The following KRTAP5-5 variants were observed in gnomAD, a reference collection of about 807,000 sequenced individuals.
KRTAP5-5 encodes keratin-associated protein 5-5.
Under a neutral mutation model 2.8 loss-of-function variants are expected in KRTAP5-5, and 1 was observed. That is an observed-to-expected ratio of 0.35 (90% confidence interval 0.13 to 1.67). The LOEUF (loss-of-function observed/expected upper bound fraction) is 1.67. Ranked by LOEUF, KRTAP5-5 falls within the 40% of genes most tolerant of loss-of-function variation. KRTAP5-5 has a pLI of 0.35. For missense variants in KRTAP5-5, 134 were observed against 270.9 expected (o/e 0.49, Z 3.55); for synonymous variants, 83 against 110.6 (o/e 0.75, Z 1.57).
rs765424276 is a variant in KRTAP5-5 at position 1,630,110 on chromosome 11, C to G, written c.270C>G (p.Gly90=). ...CCAGCTGTGGCAAAGGGGGCTGTGG[C>G]TCTTGCGGGGGCTCCAAGAGAGGCT... The change falls in exon 1 of 1, where the codon GGC becomes GGG. Residue 90 remains glycine (G), a synonymous_variant. Coordinates refer to ENST00000399676, the Ensembl canonical transcript of KRTAP5-5. The G allele has an allele frequency of 1.9e-6, 3 of 1,610,640 alleles. No homozygotes were observed. In the African/African-American group the frequency reaches 4.0e-5, roughly 22 times the overall value.
chr11:1,630,498 C>G (rs372594896), exon 1 of KRTAP5-5: 7 of 1,610,438 alleles, frequency 4.3e-6, no homozygotes, highest in Non-Finnish European at 5.9e-6. Context: ...CTGCTACAAG[C>G]CCTGCTGCTG....
rs1360393936 is a variant in KRTAP5-5 at position 1,630,488 on chromosome 11, CT to C, written c.649del (p.Cys217AlafsTer34). ...GTGGATCATCCTGCTGCCAATCCAG[CT>C]GCTACAAGCCCTGCTGCTGCCAGTC... On this transcript the variant is annotated frameshift_variant, in exon 1 of 1. Coordinates refer to ENST00000399676, the Ensembl canonical transcript of KRTAP5-5. LOFTEE classifies it high-confidence loss of function. 1 of 1,602,060 alleles carries C rather than the reference CT, an allele frequency of 6.2e-7. No individual in the cohort carries two copies. The highest frequency in any genetic ancestry group is 8.5e-7 in the Non-Finnish European group (1 of 1,175,320).
At chr11:1,630,668 TCC>T in exon 1 of KRTAP5-5, 1 of 1,397,302 alleles carries the variant, frequency 7.2e-7, no homozygotes, top group Non-Finnish European at 1.0e-6. Flanking sequence ...ACTGGCTTCA[TCC>T]ACTCCACACC....
exon 1 of KRTAP5-5, chr11:1,630,703 G>A (rs1451074650): frequency 1.9e-6 from 2 of 1,047,132 alleles, no homozygotes; most frequent in African/African-American, 3.2e-5. Flanking sequence ...ACTGACTGAG[G>A]ACCCCTTCTG....
At chr11:1,630,650 G>A (rs1849749886) in exon 1 of KRTAP5-5, 4 of 1,514,962 alleles carry the variant, frequency 2.6e-6, no homozygotes, top group Non-Finnish European at 3.6e-6. Context: ...TGTCTCCACT[G>A]TGTCCTCACT....
exon 1 of KRTAP5-5, chr11:1,629,945 T>C (rs1564964695): frequency 2.8e-6 from 4 of 1,444,022 alleles, no homozygotes; most frequent in Admixed American, 3.7e-5. Flanking sequence ...GCTCTGGCTG[T>C]GGGGGCTGTG....
At chr11:1,630,777 G>T, downstream of KRTAP5-5, 1 of 678,046 alleles carries the variant, frequency 1.5e-6, no homozygotes, top group Non-Finnish European at 2.5e-6. Context: ...AAGATCCAAA[G>T]CGGCCCACTG....
chr11:1,630,620 T>C, exon 1 of KRTAP5-5: 1 of 1,591,966 alleles, frequency 6.3e-7, no homozygotes, highest in Non-Finnish European at 8.6e-7. Context: ...TTCCTTGCCC[T>C]GGGTTCTCTG....
At chr11:1,630,122 C>T (rs75391124) in exon 1 of KRTAP5-5, 46,691 of 1,472,140 alleles carry the variant, frequency 0.032, 2,259 homozygotes, top group Middle Eastern at 0.11. Flanking sequence ...CTTGCGGGGG[C>T]TCCAAGAGAG....
chr11:1,630,871 C>G (rs985264098), downstream of KRTAP5-5, among the ~76,000 whole-genome samples: 6 of 152,168 alleles, frequency 3.9e-5, no homozygotes, highest in Non-Finnish European at 7.3e-5. Flanking sequence ...ATCTCTCTGG[C>G]TGTCTGTATA....
exon 1 of KRTAP5-5, chr11:1,630,021 G>A (rs1167185109): frequency 1.2e-5 from 20 of 1,606,780 alleles, no homozygotes; most frequent in South Asian, 2.2e-5. Flanking sequence ...ATGTGGCTCC[G>A]GCTGCTGTGT....
exon 1 of KRTAP5-5, chr11:1,630,358 G>T (rs766171125): frequency 2.3e-6 from 3 of 1,317,562 alleles, no homozygotes; most frequent in Middle Eastern, 2.4e-4. Context: ...GGGTCATCCT[G>T]CTGCCAGTCC....
chr11:1,630,159 G>T (rs771479002), exon 1 of KRTAP5-5: 1 of 1,571,242 alleles, frequency 6.4e-7, no homozygotes, highest in Admixed American at 1.7e-5. Context: ...GGTGTCCAAG[G>T]GGGCCTGTGG....
At chr11:1,630,760 C>G (rs1849751437), downstream of KRTAP5-5, 2 of 723,046 alleles carry the variant, frequency 2.8e-6, no homozygotes. Context: ...CTGCTCCTCA[C>G]TCATTTAAGA....
exon 1 of KRTAP5-5, chr11:1,630,670 C>A: frequency 7.3e-7 from 1 of 1,375,116 alleles, no homozygotes; most frequent in Non-Finnish European, 1.0e-6. Context: ...TGGCTTCATC[C>A]ACTCCACACC....
chr11:1,630,736 T>C, downstream of KRTAP5-5: 1 of 798,944 alleles, frequency 1.3e-6, no homozygotes, highest in Non-Finnish European at 2.0e-6. Flanking sequence ...CTACTTCTCC[T>C]GAACTTCCTC....
chr11:1,630,166 G>A (rs1381225613), exon 1 of KRTAP5-5: 1 of 1,438,636 alleles, frequency 7.0e-7, no homozygotes, highest in Admixed American at 2.0e-5. Context: ...AAGGGGGCCT[G>A]TGGCTCCTGT....
chr11:1,630,726 C>A (rs1193397761), downstream of KRTAP5-5: 1 of 853,830 alleles, frequency 1.2e-6, no homozygotes, highest in Non-Finnish European at 1.8e-6. Flanking sequence ...TCATTGCCTA[C>A]TACTTCTCCT....
exon 1 of KRTAP5-5, chr11:1,630,565 G>A (rs887546362): frequency 6.2e-7 from 1 of 1,614,036 alleles, no homozygotes; most frequent in Non-Finnish European, 8.5e-7. Flanking sequence ...GGCTCTGACT[G>A]CAGACTGCAG....
Sources: gnomAD v4.1 joint callset for allele counts (sites outside exome capture counted in the v4.1 genomes callset) on GRCh38, gnomAD v4.1.1 for gene constraint, MANE v1.5 for transcripts, NCBI Gene and HGNC (gene_info 2026-07-23, HGNC 2026-07-21) for gene names.